The following SASH1 variants were observed in gnomAD, a reference collection of about 807,000 sequenced individuals.
The protein encoded by SASH1 is SAM and SH3 domain containing 1, also known as SAM and SH3 domain-containing protein 1.
In SASH1, 44 loss-of-function variants were observed where a neutral mutation model predicts 125.2. The observed-to-expected ratio is 0.35, with a 90% CI of 0.28 to 0.45. The LOEUF (loss-of-function observed/expected upper bound fraction) is 0.45, where lower values mean the gene tolerates loss of function less well. Ranked by LOEUF, SASH1 falls within the 20% of genes least tolerant of loss-of-function variation. The pLI is 1.00. For missense variants in SASH1, 1,426 were observed against 1,614.5 expected (o/e 0.88, Z 2.00); for synonymous variants, 639 against 649.1 (o/e 0.98, Z 0.24).
rs748149217 is a variant in SASH1 at position 148,544,395 on chromosome 6, A to G, written c.2925A>G (p.Arg975=). ...AAGAAGGGGTAGATGCTGAGCAGAGAATGCAGCCCAAAATTCCATCACAGC... is the reference window on the plus strand; with the variant it reads ...AAGAAGGGGTAGATGCTGAGCAGAGGATGCAGCCCAAAATTCCATCACAGC... ...GTKEGVDAEQ[R]MQPKIPSQPP... is the part of the protein sequence containing the mutation. The change falls in exon 18 of 20, where the codon AGA becomes AGG. Residue 975 remains arginine, a synonymous_variant. Coordinates refer to ENST00000367467, the MANE Select transcript of SASH1 (RefSeq NM_015278.5). This position sits in a 1 kb window ranked among gnomAD's most constrained non-coding sequence, Gnocchi z 6.4. 1.2e-6 allele frequency: 2 copies of G among 1,614,042 alleles called. No homozygotes were observed. The highest frequency in any genetic ancestry group is 2.2e-5 in the East Asian group (1 of 44,878).
upstream of SASH1, among the ~76,000 whole-genome samples, chr6:148,340,182 C>G (rs1436092049): frequency 6.6e-6 from 1 of 152,118 alleles, no homozygotes; most frequent in African/African-American, 2.4e-5. Flanking sequence ...TCTGCATCTT[C>G]TTAAATTTAA....
At chr6:148,538,351 G>A (rs928159971) in intron 16 of SASH1, among the ~76,000 whole-genome samples, 95 of 152,230 alleles carry the variant, frequency 6.2e-4, no homozygotes, top group African/African-American at 2.3e-3. Context: ...AGAGTACACC[G>A]ACTCCTCTCC....
chr6:148,547,047 A>G (rs1039105935), intron 19 of SASH1, among the ~76,000 whole-genome samples: 8 of 152,184 alleles, frequency 5.3e-5, no homozygotes, highest in Admixed American at 1.3e-4. Flanking sequence ...TGGATAGAAG[A>G]TTCGTTTTCA....
intron 4 of SASH1, among the ~76,000 whole-genome samples, chr6:148,443,881 A>G (rs1776663731): frequency 2.6e-5 from 4 of 152,190 alleles, no homozygotes. Flanking sequence ...CTTGCTGTTG[A>G]GTACAGGACC....
At chr6:148,264,784 G>A in the SASH1 span, among the ~76,000 whole-genome samples, 34 of 152,320 alleles carry the variant, frequency 2.2e-4, no homozygotes, top group East Asian at 6.2e-3. Context: ...CTGCCTGCCT[G>A]CTCCATCACC....
chr6:148,507,027 C>T (rs911891786), intron 8 of SASH1, among the ~76,000 whole-genome samples: 11 of 152,110 alleles, frequency 7.2e-5, no homozygotes, highest in Non-Finnish European at 1.2e-4. Flanking sequence ...CCTGGTCCGT[C>T]AGATGGTGGC....
intron 2 of SASH1, among the ~76,000 whole-genome samples, chr6:148,394,209 A>G (rs981477439): frequency 2.5e-4 from 38 of 152,044 alleles, no homozygotes; most frequent in African/African-American, 9.2e-4. Flanking sequence ...TTCTCTTTCT[A>G]TGAAATTCCA....
chr6:148,322,027 A>T (rs1780645193), intron 1 of SASH1, among the ~76,000 whole-genome samples: 1 of 152,186 alleles, frequency 6.6e-6, no homozygotes, highest in African/African-American at 2.4e-5. Context: ...CTCCTCTGGA[A>T]TCTTGGTCTA....
At position 148,532,250 on chromosome 6, in the gene SASH1, T is replaced by C. The variant is rs983617402; in HGVS notation, c.1565-547T>C. 1.3e-4 allele frequency among the ~76,000 whole-genome samples: 19 copies of C among 151,988 alleles called. No homozygotes were observed. Among genetic ancestry groups the C allele is most frequent in the Non-Finnish European group, 2.5e-4 (17 of 68,002 alleles). Reference sequence around the variant, plus strand: ...TGCCACCACACCCGGCTAATTTTGTTGTAGAGACGGGGTTTTGCCATGTAG... The same window carrying C: ...TGCCACCACACCCGGCTAATTTTGTCGTAGAGACGGGGTTTTGCCATGTAG... On this transcript the variant is annotated intron_variant, in intron 13 of 19. Coordinates refer to ENST00000367467, the MANE Select transcript of SASH1 (RefSeq NM_015278.5). The surrounding 1 kb of genome is among the most constrained non-coding windows in gnomAD (Gnocchi z 4.7).
intron 10 of SASH1, among the ~76,000 whole-genome samples, chr6:148,524,129 T>TTA (rs1478954521): frequency 1.7e-5 from 2 of 120,554 alleles, no homozygotes; most frequent in Admixed American, 8.1e-5. Context: ...ATATTTTTTT[T>TTA]AATGAATAAG....
At chr6:148,194,717 T>C in the SASH1 span, among the ~76,000 whole-genome samples, 23 of 152,266 alleles carry the variant, frequency 1.5e-4, no homozygotes, top group East Asian at 3.9e-4. Flanking sequence ...ACCATCCTGG[T>C]TAACACGGTG....
chr6:148,507,289 T>G (rs1779851657), intron 8 of SASH1, among the ~76,000 whole-genome samples: 1 of 152,200 alleles, frequency 6.6e-6, no homozygotes, highest in Non-Finnish European at 1.5e-5. Context: ...GGTGATCTGA[T>G]GCAGAACCCG....
At chr6:148,433,905 A>G (rs1253036459) in intron 2 of SASH1, among the ~76,000 whole-genome samples, 2 of 151,862 alleles carry the variant, frequency 1.3e-5, no homozygotes, top group African/African-American at 4.8e-5. Flanking sequence ...GGAATTTGTT[A>G]TATATATCTT....
chr6:148,405,671 G>C (rs963615031), intron 2 of SASH1, among the ~76,000 whole-genome samples: 1 of 152,050 alleles, frequency 6.6e-6, no homozygotes, highest in Non-Finnish European at 1.5e-5. Flanking sequence ...CTACCGCCCA[G>C]ATGAAAATGG....
chr6:148,315,145 A>G (rs1307434456), intron 1 of SASH1, among the ~76,000 whole-genome samples: 1 of 152,236 alleles, frequency 6.6e-6, no homozygotes, highest in African/African-American at 2.4e-5. Flanking sequence ...ATTAAATAGA[A>G]TTTAAATGAA....
At chr6:148,442,300 G>A (rs886976224) in intron 4 of SASH1, among the ~76,000 whole-genome samples, 2 of 151,418 alleles carry the variant, frequency 1.3e-5, no homozygotes, top group East Asian at 1.9e-4. Context: ...CCAGCTACTC[G>A]TGAGGCTGAG....
At chr6:148,313,959 A>G (rs1582952831) in intron 1 of SASH1, among the ~76,000 whole-genome samples, 1 of 152,240 alleles carries the variant, frequency 6.6e-6, no homozygotes, top group Middle Eastern at 3.4e-3. Context: ...TCCTCTGAAA[A>G]TCACCTTTAG....
the SASH1 span, among the ~76,000 whole-genome samples, chr6:148,224,287 CA>C: frequency 2.0e-5 from 3 of 150,800 alleles, no homozygotes; most frequent in South Asian, 2.1e-4. Flanking sequence ...CTCCAAGCAA[CA>C]AAAAAAAGTA....
intron 8 of SASH1, among the ~76,000 whole-genome samples, chr6:148,501,521 A>G (rs1779558876): frequency 6.6e-6 from 1 of 151,974 alleles, no homozygotes; most frequent in South Asian, 2.1e-4. Flanking sequence ...GATCCCATAG[A>G]TTTGCTCTGG....
Sources: gnomAD v4.1 joint callset for allele counts (sites outside exome capture counted in the v4.1 genomes callset) on GRCh38, gnomAD v4.1.1 for gene constraint, Gnocchi (gnomAD v3.1) non-coding constraint, MANE v1.5 for transcripts, NCBI Gene and HGNC (gene_info 2026-07-23, HGNC 2026-07-21) for gene names.